Variants in SHISA9 observed in about 807,000 individuals in gnomAD.
The protein encoded by SHISA9 is shisa family member 9, also known as protein shisa-9.
Under a neutral mutation model 38.0 loss-of-function variants are expected in SHISA9, and 13 were observed. The ratio of observed to expected loss-of-function variants is 0.34; its 90% CI spans 0.22 to 0.54. The LOEUF (loss-of-function observed/expected upper bound fraction) is 0.54, where lower values mean the gene tolerates loss of function less well. Among genes scored for constraint, SHISA9 ranks in the 20% least tolerant of loss-of-function variants. The probability of loss-of-function intolerance (pLI) is 0.91; values close to 1 mark genes in which losing one functional copy is unlikely to be tolerated. For missense variants in SHISA9, 538 were observed against 575.8 expected (o/e 0.93, Z 0.67); for synonymous variants, 275 against 242.0 (o/e 1.14, Z -1.27).
chr16:13,510,940 G>T, the SHISA9 span, among the ~76,000 whole-genome samples: 114,452 of 152,036 alleles, frequency 0.75, 43,365 homozygotes, highest in East Asian at 0.95. Context: ...ATTTGTGTAT[G>T]TGCCACTAGG....
intron 2 of SHISA9, among the ~76,000 whole-genome samples, chr16:12,978,845 C>G (rs2072201769): frequency 6.6e-6 from 1 of 152,122 alleles, no homozygotes. Flanking sequence ...GAGTGTGAGA[C>G]AAAATACACC....
chr16:13,340,601 A>G, the SHISA9 span, among the ~76,000 whole-genome samples: 1 of 152,176 alleles, frequency 6.6e-6, no homozygotes, highest in Non-Finnish European at 1.5e-5. Context: ...CCTCCACCAC[A>G]ATCCGGACAG....
chr16:13,134,687 T>A (rs552293885), intron 2 of SHISA9, among the ~76,000 whole-genome samples: 1 of 152,242 alleles, frequency 6.6e-6, no homozygotes, highest in East Asian at 1.9e-4. Context: ...TTGGGCTTTA[T>A]GCCTCGTAGT....
chr16:13,251,584 C>A, the SHISA9 span, among the ~76,000 whole-genome samples: 1 of 152,260 alleles, frequency 6.6e-6, no homozygotes, highest in East Asian at 1.9e-4. Flanking sequence ...TAAGTGATTT[C>A]TTCCAGCTCC....
the SHISA9 span, among the ~76,000 whole-genome samples, chr16:13,376,457 A>G: frequency 6.6e-6 from 1 of 152,194 alleles, no homozygotes; most frequent in Non-Finnish European, 1.5e-5. Flanking sequence ...ATCCCATGTC[A>G]GCCCACTCAC....
chr16:13,007,132 T>C (rs767507086), intron 2 of SHISA9, among the ~76,000 whole-genome samples: 31 of 152,208 alleles, frequency 2.0e-4, no homozygotes, highest in Admixed American at 1.8e-3. Context: ...ACAGACTAAC[T>C]CGTTCTCTAG....
chr16:13,382,874 CAAAGT>C, the SHISA9 span, among the ~76,000 whole-genome samples: 48 of 151,432 alleles, frequency 3.2e-4, no homozygotes, highest in African/African-American at 1.1e-3. Context: ...AACAAACAAA[CAAAGT>C]AAATTTAAAA....
At position 13,019,949 on chromosome 16, in the gene SHISA9, TTCTTTCTTTCCC is replaced by T. The variant is rs1567184262; in HGVS notation, c.691+103137_691+103148del. Among the ~76,000 whole-genome samples, 261 of 79,946 alleles carry T rather than the reference TTCTTTCTTTCCC, an allele frequency of 3.3e-3. 13 individuals are homozygous for T. Among genetic ancestry groups the T allele is most frequent in the Non-Finnish European group, 5.3e-3 (200 of 37,936 alleles). The allele number at this position is 79,946 out of a possible 152,430, so 52.4% of individuals were successfully genotyped here. A position where few individuals can be genotyped will look rare whatever the true frequency, so the allele number is the denominator to read the frequency against. Reference sequence around the variant, plus strand: ...TTTCTTTCTTTCTTTCTTTCTTTCTTTCTTTCTTTCCCTCCTTCTTTCCTTCCTTCCTTCCTT... The same window carrying T: ...TTTCTTTCTTTCTTTCTTTCTTTCTTTCCTTCTTTCCTTCCTTCCTTCCTT... On this transcript the variant is annotated intron_variant, in intron 2 of 4. Transcript: ENST00000558583.
chr16:13,279,255 C>T, the SHISA9 span, among the ~76,000 whole-genome samples: 2 of 151,768 alleles, frequency 1.3e-5, no homozygotes, highest in Admixed American at 6.6e-5. Flanking sequence ...TCTGAGAGAG[C>T]GCTTGACATA....
chr16:13,377,873 C>T, the SHISA9 span, among the ~76,000 whole-genome samples: 1 of 149,700 alleles, frequency 6.7e-6, no homozygotes, highest in Non-Finnish European at 1.5e-5. Context: ...ACTAAAAATA[C>T]AAAAAAAAAA....
chr16:13,350,095 C>T, the SHISA9 span: 1 of 152,360 alleles, frequency 6.6e-6, no homozygotes, highest in African/African-American at 2.4e-5. Flanking sequence ...CTGCCCTTGA[C>T]ATGGGGGGCT....
intron 2 of SHISA9, among the ~76,000 whole-genome samples, chr16:12,940,372 C>T (rs2071594077): frequency 6.6e-6 from 1 of 152,158 alleles, no homozygotes; most frequent in African/African-American, 2.4e-5. Flanking sequence ...GCTACAACCC[C>T]AGTCCACATT....
At chr16:12,961,562 G>T (rs1156300680) in intron 2 of SHISA9, among the ~76,000 whole-genome samples, 3 of 152,162 alleles carry the variant, frequency 2.0e-5, no homozygotes, top group African/African-American at 4.8e-5. Flanking sequence ...GATGTGGAAA[G>T]GTCCCCAGAG....
At chr16:13,553,368 G>A in the SHISA9 span, among the ~76,000 whole-genome samples, 36 of 152,112 alleles carry the variant, frequency 2.4e-4, no homozygotes, top group Non-Finnish European at 4.1e-4. Context: ...CTCATTCTAC[G>A]CTAGGCACTG....
chr16:13,158,200 G>C (rs539622711), intron 2 of SHISA9, among the ~76,000 whole-genome samples: 1 of 152,320 alleles, frequency 6.6e-6, no homozygotes, highest in South Asian at 2.1e-4. Flanking sequence ...CCATAATGGA[G>C]AAGCAGGCTT....
At chr16:13,271,419 C>CT in the SHISA9 span, among the ~76,000 whole-genome samples, 5 of 152,236 alleles carry the variant, frequency 3.3e-5, no homozygotes, top group East Asian at 9.7e-4. Context: ...TAAAAAAGCA[C>CT]TCAGGTTGTT....
chr16:13,522,102 C>G, the SHISA9 span, among the ~76,000 whole-genome samples: 1 of 152,174 alleles, frequency 6.6e-6, no homozygotes, highest in African/African-American at 2.4e-5. Flanking sequence ...GCCATGGAAT[C>G]CTAAGACTGT....
At chr16:13,346,221 T>C in the SHISA9 span, among the ~76,000 whole-genome samples, 1 of 152,300 alleles carries the variant, frequency 6.6e-6, no homozygotes, top group Admixed American at 6.5e-5. Context: ...GGTATTTGAC[T>C]TTCTGTTTCT....
the SHISA9 span, among the ~76,000 whole-genome samples, chr16:13,374,952 C>T: frequency 6.6e-6 from 1 of 152,294 alleles, no homozygotes; most frequent in African/African-American, 2.4e-5. Context: ...CTGTTGGCTG[C>T]ATAAATGTCT....
Sources: allele counts gnomAD v4.1 joint callset (sites outside exome capture counted in the v4.1 genomes callset), GRCh38; gene constraint gnomAD v4.1.1; transcripts MANE v1.5; gene names NCBI Gene and HGNC (gene_info 2026-07-23, HGNC 2026-07-21).